USP25: variants seen among roughly 807,000 people sequenced by gnomAD.
USP25 encodes ubiquitin carboxyl-terminal hydrolase 25.
In USP25, 85 loss-of-function variants were observed where a neutral mutation model predicts 158.5. That is an observed-to-expected ratio of 0.54 (90% confidence interval 0.45 to 0.64). USP25 has a LOEUF of 0.64. Among genes scored for constraint, USP25 ranks in the 30% least tolerant of loss-of-function variants. The pLI, the probability that USP25 is intolerant of heterozygous loss-of-function variation, is 0.00. For synonymous variants in USP25, 464 were observed against 460.4 expected, an observed-to-expected ratio of 1.01 and a Z score of -0.10; for missense variants, 1,242 against 1,327.3, an observed-to-expected ratio of 0.94 and a Z score of 1.00.
At chr21:15,817,782 G>A (rs1025280434) in intron 9 of USP25, among the ~76,000 whole-genome samples, 7 of 151,994 alleles carry the variant, frequency 4.6e-5, no homozygotes, top group African/African-American at 9.7e-5. Flanking sequence ...GGGGGAAACC[G>A]CCCCCATGAT....
At chr21:15,838,334 T>G (rs2038160857) in intron 17 of USP25, among the ~76,000 whole-genome samples, 1 of 152,094 alleles carries the variant, frequency 6.6e-6, no homozygotes, top group Non-Finnish European at 1.5e-5. Context: ...TATGGAGATT[T>G]CCAATAATGA....
At chr21:15,825,088 G>A in intron 12 of USP25, 27 bp downstream of exon 12, 1 of 1,511,092 alleles carries the variant, frequency 6.6e-7, no homozygotes, top group Non-Finnish European at 9.0e-7. Context: ...GAAATTAGGA[G>A]ATAATTATCA....
rs1389139393 is a variant in USP25 at position 15,784,559 on chromosome 21, C to T, written c.392+6532C>T. 4.0e-5 allele frequency among the ~76,000 whole-genome samples: 6 copies of T among 150,716 alleles called. No homozygotes were observed. The East Asian group carries it at 5.8e-4, about 15-fold the overall frequency. ...TGGACTCCAGCTTGGGCAACAAGAG[C>T]GAAACTCTGTTTCAAAAAAAAAAAG... On this transcript the variant is annotated intron_variant, in intron 4 of 25. Transcript: ENST00000400183.
intron 1 of USP25, among the ~76,000 whole-genome samples, chr21:15,746,696 A>G (rs2123274514): frequency 6.6e-6 from 1 of 152,240 alleles, no homozygotes; most frequent in African/African-American, 2.4e-5. Flanking sequence ...GCACCCTGCC[A>G]GTGGTTTTTA....
intron 17 of USP25, among the ~76,000 whole-genome samples, chr21:15,836,475 T>A (rs2038069965): frequency 6.6e-6 from 1 of 152,180 alleles, no homozygotes; most frequent in South Asian, 2.1e-4. Flanking sequence ...ATACTTTTGT[T>A]GAGATTTTCA....
rs61760218 is a variant in USP25 at position 15,830,601 on chromosome 21, A to G, written c.1764A>G (p.Gln588=). ...TGTACTCTGACAAATCTATGATACA[A>G]GTAAGTGAAATTTTGAGCTAGTAAT... ...ELMYSDKSMI[Q]VPYRLHAVLV... The change falls in exon 15 of 26, where the codon CAA becomes CAG. Residue 588 remains glutamine, a splice_region_variant and synonymous_variant. Transcript: ENST00000400183. The G allele has an allele frequency of 6.3e-7, 1 of 1,587,260 alleles. No individual in the cohort carries two copies. The highest frequency in any genetic ancestry group is 8.6e-7 in the Non-Finnish European group (1 of 1,167,210).
At chr21:15,770,456 T>A (rs2034289443) in intron 3 of USP25, among the ~76,000 whole-genome samples, 1 of 152,214 alleles carries the variant, frequency 6.6e-6, no homozygotes, top group Non-Finnish European at 1.5e-5. Flanking sequence ...TTTGTACTTT[T>A]GTTGACTAAC....
At chr21:15,771,338 A>G (rs2034339031) in intron 3 of USP25, among the ~76,000 whole-genome samples, 1 of 151,640 alleles carries the variant, frequency 6.6e-6, no homozygotes, top group Admixed American at 6.6e-5. Flanking sequence ...AGACCTGGAC[A>G]TAGACAAACA....
In USP25 at chr21:15,826,865, A is replaced by T; in HGVS notation, c.1467-112A>T. ...GTTAGATCAATCCACATATTTCTTT[A>T]AGATTTTTTCTTTTGAATTACAAGC... On this transcript the variant is annotated intron_variant, in intron 13 of 25. Coordinates refer to ENST00000400183, the MANE Select transcript of USP25 (RefSeq NM_001283041.3). The surrounding 1 kb of genome is among the most constrained non-coding windows in gnomAD (Gnocchi z 4.8). 1 of 972,868 alleles carries T rather than the reference A, an allele frequency of 1.0e-6. No individual in the cohort carries two copies. Among genetic ancestry groups the T allele is most frequent in the Non-Finnish European group, 1.5e-6 (1 of 661,712 alleles). The allele number at this position is 972,868 out of a possible 1,614,324, so 60.3% of individuals were successfully genotyped here.
chr21:15,835,280 A>G (rs2038009302), intron 17 of USP25, among the ~76,000 whole-genome samples: 1 of 152,310 alleles, frequency 6.6e-6, no homozygotes, highest in South Asian at 2.1e-4. Flanking sequence ...ATTAAGTTCT[A>G]TATATCCTCC....
intron 1 of USP25, among the ~76,000 whole-genome samples, chr21:15,739,094 G>A (rs1201936764): frequency 6.6e-6 from 1 of 152,086 alleles, no homozygotes; most frequent in African/African-American, 2.4e-5. Flanking sequence ...CCTTTAACTC[G>A]GTTCTGAGGA....
At chr21:15,791,720 T>G (rs1266429600) in intron 5 of USP25, 56 bp downstream of exon 5, 1 of 1,529,134 alleles carries the variant, frequency 6.5e-7, no homozygotes, top group Non-Finnish European at 8.8e-7. Context: ...CAATGGAAAG[T>G]GAGTTGGTTG....
At position 15,818,753 on chromosome 21, in the gene USP25, G is replaced by T. The variant is rs774901841; in HGVS notation, c.987G>T (p.Gly329=). The change falls in exon 10 of 26, where the codon GGG becomes GGT. Residue 329 remains glycine (G), a synonymous_variant. Transcript: ENST00000400183. ...GTCAGTACCCACTTCAGGTCAATGG[G>T]TTCAAAGATCTGCATGAGTGCCTAG... The part of the protein sequence containing the change: ...MFGQYPLQVN[G]FKDLHECLEA... The T allele has an allele frequency of 3.7e-6, 6 of 1,613,778 alleles. No homozygotes were observed. Among genetic ancestry groups the T allele is most frequent in the Admixed American group, 1.7e-5 (1 of 60,014 alleles).
At chr21:15,806,803 A>G (rs2036415533) in intron 7 of USP25, among the ~76,000 whole-genome samples, 1 of 152,180 alleles carries the variant, frequency 6.6e-6, no homozygotes, top group South Asian at 2.1e-4. Context: ...TTTAAAAGTG[A>G]ATTTATATTT....
chr21:15,754,629 T>C (rs2033256718), intron 1 of USP25, among the ~76,000 whole-genome samples: 1 of 152,078 alleles, frequency 6.6e-6, no homozygotes, highest in Non-Finnish European at 1.5e-5. Flanking sequence ...AGACCCTGAA[T>C]GAAAGAGAGG....
chr21:15,833,953 A>C (rs1277723293), intron 17 of USP25, among the ~76,000 whole-genome samples: 2 of 152,184 alleles, frequency 1.3e-5, no homozygotes, highest in Non-Finnish European at 2.9e-5. Flanking sequence ...TAGTAATTTT[A>C]AATTTGGCCA....
At chr21:15,796,341 T>C (rs1249807764) in intron 5 of USP25, among the ~76,000 whole-genome samples, 4 of 151,424 alleles carry the variant, frequency 2.6e-5, no homozygotes, top group African/African-American at 9.7e-5. Flanking sequence ...CCTTGTGATG[T>C]TTTGCTGGAT....
chr21:15,783,774 G>A (rs958830290), intron 4 of USP25, among the ~76,000 whole-genome samples: 5 of 149,032 alleles, frequency 3.4e-5, no homozygotes, highest in African/African-American at 1.0e-4. Context: ...TGGTTAACAT[G>A]GTGAAACCCC....
chr21:15,747,251 A>T (rs944684832), intron 1 of USP25, among the ~76,000 whole-genome samples: 16 of 152,202 alleles, frequency 1.1e-4, no homozygotes, highest in African/African-American at 3.6e-4. Context: ...CAAGACCCCC[A>T]GTGGATGCCT....
Sources: gnomAD v4.1 joint callset for allele counts (sites outside exome capture counted in the v4.1 genomes callset) on GRCh38, gnomAD v4.1.1 for gene constraint, Gnocchi (gnomAD v3.1) non-coding constraint, MANE v1.5 for transcripts, NCBI Gene and HGNC (gene_info 2026-07-23, HGNC 2026-07-21) for gene names.